Variants in PNLIPRP3 observed in about 807,000 individuals in gnomAD.
The protein encoded by PNLIPRP3 is pancreatic lipase-related protein 3.
In PNLIPRP3, 58 loss-of-function variants were observed where a neutral mutation model predicts 52.8. The observed-to-expected ratio is 1.10, with a 90% CI of 0.89 to 1.37. The LOEUF is 1.37. Among genes scored for constraint, PNLIPRP3 ranks in the 40% most tolerant of loss-of-function variants. The pLI, the probability that PNLIPRP3 is intolerant of heterozygous loss-of-function variation, is 0.00. For synonymous variants in PNLIPRP3, 192 were observed against 185.0 expected (o/e 1.04, Z -0.31); for missense variants, 593 against 561.6 (o/e 1.06, Z -0.57).
In PNLIPRP3 at chr10:116,443,815, A is replaced by G. The variant is rs1209163843; in HGVS notation, c.325-567A>G. Among the ~76,000 whole-genome samples the G allele has an allele frequency of 2.0e-3, 21 of 10,554 alleles. 1 individual carries two copies. The highest frequency in any genetic ancestry group is 0.062 in the South Asian group (1 of 16). The allele number at this position is 10,554 out of a possible 152,430, so 6.9% of individuals were successfully genotyped here. A position where few individuals can be genotyped will look rare whatever the true frequency, so the allele number is the denominator to read the frequency against. On this transcript the variant is annotated intron_variant, in intron 3 of 11. Coordinates refer to ENST00000369230, the MANE Select transcript of PNLIPRP3 (RefSeq NM_001011709.3). ...TATGTGTGTGTGCATATATATATAT[A>G]TATATATATATATATATATATATAT...
In PNLIPRP3 at chr10:116,444,457, G is replaced by A. The variant is rs200054779; in HGVS notation, c.400G>A (p.Val134Ile). ...INGSREYIHA[V>I]NNLRVVGAEV... ...CGGTTCACGGGAATACATCCATGCT[G>A]TAAACAATCTCCGTGTTGTTGGTGC... Residue 134 changes from valine (V) to isoleucine (I), a missense_variant, in exon 4 of 12, where the codon GTA becomes ATA. Transcript: ENST00000369230. The A allele has an allele frequency of 2.5e-6, 4 of 1,613,350 alleles. No homozygotes were observed. Among genetic ancestry groups the A allele is most frequent in the Non-Finnish European group, 3.4e-6 (4 of 1,179,386 alleles).
intron 4 of PNLIPRP3, 88 bp downstream of exon 4, chr10:116,444,601 A>T: frequency 7.5e-7 from 1 of 1,326,616 alleles, no homozygotes; most frequent in Non-Finnish European, 1.1e-6. Context: ...GTCTTTTTTT[A>T]TTAGCTTAGA....
intron 1 of PNLIPRP3, among the ~76,000 whole-genome samples, chr10:116,436,233 A>G (rs1845771409): frequency 6.6e-6 from 1 of 151,824 alleles, no homozygotes; most frequent in African/African-American, 2.4e-5. Context: ...GGGTGCCAAG[A>G]ATATAACAAT....
intron 10 of PNLIPRP3, among the ~76,000 whole-genome samples, chr10:116,474,560 G>A (rs893486706): frequency 5.3e-5 from 8 of 152,088 alleles, no homozygotes; most frequent in African/African-American, 7.2e-5. Flanking sequence ...TCTGATAAAC[G>A]TCTAATATCC....
In PNLIPRP3 at chr10:116,466,132, T is replaced by G; in HGVS notation, c.891T>G (p.Ile297Met). The change falls in exon 8 of 12, where the codon ATT becomes ATG. Residue 297 changes from isoleucine (I) to methionine (M), a missense_variant. By Grantham distance (10) the Ile-to-Met change is conservative (BLOSUM62 1). Transcript: ENST00000369230. ...GCATTCTTAATCCTGATGCATTTAT[T>G]GCTTATCCTTGTAGATCCTACACAT... The part of the protein sequence containing the change: ...AESILNPDAF[I>M]AYPCRSYTSF... 6.2e-7 allele frequency: 1 copy of G among 1,612,412 alleles called. No homozygotes were observed. Among genetic ancestry groups the G allele is most frequent in the Non-Finnish European group, 8.5e-7 (1 of 1,178,676 alleles).
In PNLIPRP3 at chr10:116,461,168, G is replaced by T. The variant is rs1160685033; in HGVS notation, c.686G>T (p.Gly229Val). 1 of 1,614,152 alleles carries T rather than the reference G, an allele frequency of 6.2e-7. No homozygotes were observed. Among genetic ancestry groups the T allele is most frequent in the Non-Finnish European group, 8.5e-7 (1 of 1,180,026 alleles). The change falls in exon 7 of 12, where the codon GGT becomes GTT. Residue 229 changes from glycine to valine, a missense_variant and splice_region_variant. Physicochemically the swap from Gly to Val is moderately radical, Grantham distance 109. Transcript: ENST00000369230. ...TTTACCCTGTTTTTATTTATTTCAG[G>T]TGTTGGAACCATTGATGCTTGTGGT... ...TNAARILFEL[G>V]VGTIDACGHL...
chr10:116,438,774 T>C (rs1432816882), intron 2 of PNLIPRP3, among the ~76,000 whole-genome samples: 1 of 152,190 alleles, frequency 6.6e-6, no homozygotes, highest in African/African-American at 2.4e-5. Context: ...TGACCAATTC[T>C]GTAGATGTGG....
chr10:116,428,368 G>C (rs4751963), intron 1 of PNLIPRP3, among the ~76,000 whole-genome samples: 140,328 of 152,156 alleles, frequency 0.92, 65,040 homozygotes, highest in South Asian at 0.98. Context: ...GTGTTGGGCT[G>C]CTAGCTCTGC....
In PNLIPRP3 at chr10:116,427,855, T is replaced by G. The variant is rs994923361; in HGVS notation, c.-158T>G. 5.1e-5 allele frequency: 31 copies of G among 603,474 alleles called. No individual in the cohort carries two copies. In the African/African-American group the frequency reaches 6.0e-4, roughly 12 times the overall value. 37.4% of individuals were successfully genotyped at this position (603,474 alleles called of 1,614,324 possible). ...CACACCCCGATAATTTTATTTACTT[T>G]GCAGAGCATAAGGTGGAATAACATG... is the stretch of plus-strand genomic sequence containing the variant. On this transcript the variant is annotated 5_prime_UTR_variant, in exon 1 of 12. Transcript: ENST00000369230.
At chr10:116,470,325 C>T (rs1399831889) in intron 9 of PNLIPRP3, among the ~76,000 whole-genome samples, 1 of 151,868 alleles carries the variant, frequency 6.6e-6, no homozygotes, top group Non-Finnish European at 1.5e-5. Context: ...AAGTGGATGA[C>T]ATCACTACCC....
intron 1 of PNLIPRP3, among the ~76,000 whole-genome samples, chr10:116,431,388 C>T (rs889768550): frequency 6.6e-6 from 1 of 152,128 alleles, no homozygotes; most frequent in Non-Finnish European, 1.5e-5. Context: ...TAGCATTAAC[C>T]CCTGCTCCTC....
At chr10:116,445,370 A>G (rs1314545418) in intron 4 of PNLIPRP3, among the ~76,000 whole-genome samples, 3 of 152,222 alleles carry the variant, frequency 2.0e-5, no homozygotes, top group Non-Finnish European at 4.4e-5. Flanking sequence ...CAACCAGGTT[A>G]GGTGATATTT....
chr10:116,432,224 C>A (rs1166528525), intron 1 of PNLIPRP3, among the ~76,000 whole-genome samples: 1 of 152,188 alleles, frequency 6.6e-6, no homozygotes, highest in African/African-American at 2.4e-5. Context: ...ATCGAACCTA[C>A]TTTCCAGCTT....
intron 5 of PNLIPRP3, among the ~76,000 whole-genome samples, chr10:116,457,009 C>T (rs1367388533): frequency 1.3e-5 from 2 of 152,232 alleles, no homozygotes; most frequent in African/African-American, 4.8e-5. Context: ...TGTGTGAAGC[C>T]TCTTAGCTTG....
chr10:116,461,702 G>A (rs1436431656), intron 7 of PNLIPRP3, among the ~76,000 whole-genome samples: 1 of 152,208 alleles, frequency 6.6e-6, no homozygotes, highest in African/African-American at 2.4e-5. Flanking sequence ...TAAGAGCTAA[G>A]GGGACAAAAT....
intron 8 of PNLIPRP3, among the ~76,000 whole-genome samples, chr10:116,467,571 CA>C (rs146545523): frequency 0.016 from 2,447 of 152,018 alleles, 71 homozygotes; most frequent in African/African-American, 0.056. Context: ...TTAAAACATA[CA>C]AATAAAATTA....
rs554228981 is a variant in PNLIPRP3, at chr10:116,469,201, G to T, written c.944G>T (p.Cys315Phe). 2.5e-6 allele frequency: 4 copies of T among 1,610,476 alleles called. No individual in the cohort carries two copies. The South Asian group carries it at 4.5e-5, about 18-fold the overall frequency. ...TGTCATCAGGGAAATTGCTTCTTTT[G>T]TTCCAAAGAAGGTTGCCCAACAATG... ...TSFKAGNCFFCSKEGCPTMGH... is the reference protein window; with the variant it reads ...TSFKAGNCFFFSKEGCPTMGH... The change falls in exon 9 of 12, where the codon TGT becomes TTT. Residue 315 changes from cysteine (C) to phenylalanine (F), a missense_variant. Physicochemically the swap from Cys to Phe is radical, Grantham distance 205 (BLOSUM62 -2). Coordinates refer to ENST00000369230, the MANE Select transcript of PNLIPRP3 (RefSeq NM_001011709.3).
chr10:116,434,215 T>G (rs1282127601), intron 1 of PNLIPRP3, among the ~76,000 whole-genome samples: 2 of 152,312 alleles, frequency 1.3e-5, no homozygotes, highest in African/African-American at 4.8e-5. Context: ...TATTTATTAC[T>G]GAAAATTTGA....
At chr10:116,434,767 C>T (rs1191491353) in intron 1 of PNLIPRP3, among the ~76,000 whole-genome samples, 1 of 152,064 alleles carries the variant, frequency 6.6e-6, no homozygotes, top group African/African-American at 2.4e-5. Context: ...AAACAGAAGG[C>T]TGTTTTAGAA....
Sources: allele counts gnomAD v4.1 joint callset (sites outside exome capture counted in the v4.1 genomes callset), GRCh38; gene constraint gnomAD v4.1.1; transcripts MANE v1.5; gene names NCBI Gene and HGNC (gene_info 2026-07-23, HGNC 2026-07-21).